The following PAQR3 variants were observed in gnomAD, a reference collection of about 807,000 sequenced individuals.
The protein encoded by PAQR3 is Raf kinase trapping to Golgi.
Under a neutral mutation model 41.7 loss-of-function variants are expected in PAQR3, and 39 were observed. That is an observed-to-expected ratio of 0.93 (90% confidence interval 0.72 to 1.22). PAQR3 has a LOEUF of 1.22. PAQR3 is among the 50% of genes most tolerant of loss of function. The probability of loss-of-function intolerance (pLI) is 0.00; values close to 1 mark genes in which losing one functional copy is unlikely to be tolerated. For synonymous variants in PAQR3, 140 were observed against 140.6 expected, an observed-to-expected ratio of 1.00 and a Z score of 0.03; for missense variants, 366 against 385.6, an observed-to-expected ratio of 0.95 and a Z score of 0.42.
intron 11 of PAQR3, among the ~76,000 whole-genome samples, chr4:78,888,578 A>G (rs944071449): frequency 2.0e-5 from 3 of 152,220 alleles, no homozygotes; most frequent in African/African-American, 7.2e-5. Flanking sequence ...AGCATCTGAA[A>G]GAACCCTGGG....
chr4:78,929,517 A>C (rs895093906), intron 3 of PAQR3, among the ~76,000 whole-genome samples: 1 of 152,210 alleles, frequency 6.6e-6, no homozygotes, highest in Non-Finnish European at 1.5e-5. Flanking sequence ...ATCTGATTAC[A>C]GTGTTGCAAA....
chr4:78,937,228 A>C (rs115433746), intron 1 of PAQR3, among the ~76,000 whole-genome samples: 1,788 of 152,290 alleles, frequency 0.012, 32 homozygotes, highest in African/African-American at 0.041. Context: ...TTTGCAAATG[A>C]AGATTACCAG....
At position 78,917,557 on chromosome 4, in the gene PAQR3, G is replaced by GTGAT. The variant is rs77366304; in HGVS notation, c.*2978_*2981dup. 8,836 of 152,384 alleles carry GTGAT rather than the reference G, an allele frequency of 0.058. 356 individuals are homozygous for GTGAT. The highest frequency in any genetic ancestry group is 0.22 in the East Asian group (1,132 of 5,158). The allele number at this position is 152,384 out of a possible 1,614,324, so 9.4% of individuals were successfully genotyped here. ...CCTCTTTAGTGTAAACACAGTTATTGTGATAATGCACACAGAAGGTATTTC... is the reference window on the plus strand; with the variant it reads ...CCTCTTTAGTGTAAACACAGTTATTGTGATTGATAATGCACACAGAAGGTATTTC... On this transcript the variant is annotated 3_prime_UTR_variant, in exon 6 of 6. Transcript: ENST00000512733.
chr4:78,931,634 T>C (rs1206097159), intron 2 of PAQR3, among the ~76,000 whole-genome samples: 1 of 151,994 alleles, frequency 6.6e-6, no homozygotes, highest in Non-Finnish European at 1.5e-5. Context: ...ACAGCATAAT[T>C]GGAAAAGGTG....
intron 11 of PAQR3, among the ~76,000 whole-genome samples, chr4:78,893,949 C>A (rs912221940): frequency 2.0e-5 from 3 of 152,186 alleles, no homozygotes; most frequent in Non-Finnish European, 4.4e-5. Flanking sequence ...CAACAGTAAT[C>A]TTCTTGTACT....
chr4:78,889,717 C>CA (rs1273965970), intron 11 of PAQR3, among the ~76,000 whole-genome samples: 2 of 151,998 alleles, frequency 1.3e-5, no homozygotes, highest in South Asian at 2.1e-4. Context: ...CCAAGAAAGG[C>CA]AAAAAACTAC....
At chr4:78,911,788 T>C (rs1302737856), downstream of PAQR3, 1 of 1,613,878 alleles carries the variant, frequency 6.2e-7, no homozygotes, top group Non-Finnish European at 8.5e-7. Flanking sequence ...AGACCTGTCA[T>C]GGCACCCTCC....
chr4:78,910,790 C>T (rs780047458), downstream of PAQR3: 6 of 1,613,508 alleles, frequency 3.7e-6, no homozygotes, highest in East Asian at 8.9e-5. Flanking sequence ...GAATCAGATC[C>T]CCCTTCTCCT....
chr4:78,890,976 C>T (rs1255225753), intron 11 of PAQR3, among the ~76,000 whole-genome samples: 1 of 152,116 alleles, frequency 6.6e-6, no homozygotes, highest in African/African-American at 2.4e-5. Context: ...GGGAGGATTG[C>T]TTGCTTGAGG....
chr4:78,912,045 G>T lies in PAQR3; in HGVS notation c.*8494C>A. On this transcript the variant is annotated 3_prime_UTR_variant, in exon 6 of 6. Transcript: ENST00000512733. ...CTTCTAAACAGTAGATACTTCTGATGGATTCTCGGCATTAACTCCTGTTTC... is the reference window on the plus strand; with the variant it reads ...CTTCTAAACAGTAGATACTTCTGATTGATTCTCGGCATTAACTCCTGTTTC... 1 of 1,573,402 alleles carries T rather than the reference G, an allele frequency of 6.4e-7. No homozygotes were observed. The highest frequency in any genetic ancestry group is 1.2e-5 in the South Asian group (1 of 85,082).
chr4:78,887,329 C>G, intron 12 of PAQR3: 1 of 1,338,338 alleles, frequency 7.5e-7, no homozygotes, highest in Non-Finnish European at 1.1e-6. Context: ...ATAAAACACA[C>G]AAGAACAACA....
rs527763767 is a variant in PAQR3, at chr4:78,927,677, G to C, written c.505-959C>G. Among the ~76,000 whole-genome samples, 3 of 152,342 alleles carry C rather than the reference G, an allele frequency of 2.0e-5. No individual in the cohort carries two copies. The East Asian group carries it at 5.8e-4, about 29-fold the overall frequency. On this transcript the variant is annotated intron_variant, in intron 3 of 5. Transcript: ENST00000512733. ...TTCCAGTTTTGCTGTGTGTGTGATGGGGGAAGAGAACAGGGGCATGAAAGA... is the reference window on the plus strand; with the variant it reads ...TTCCAGTTTTGCTGTGTGTGTGATGCGGGAAGAGAACAGGGGCATGAAAGA...
rs1734732575 is a variant in PAQR3, at chr4:78,912,863, TACAGA to T, written c.*7671_*7675del. On this transcript the variant is annotated 3_prime_UTR_variant, in exon 6 of 6. Transcript: ENST00000512733. ...AAGAAATTATAAGAAGAAAAAAAGATACAGAACAGAAAACATTCACTACTTTAGAA... is the reference window on the plus strand; with the variant it reads ...AAGAAATTATAAGAAGAAAAAAAGATACAGAAAACATTCACTACTTTAGAA... 2 of 152,132 alleles carry T rather than the reference TACAGA, an allele frequency of 1.3e-5. No individual in the cohort carries two copies. Among genetic ancestry groups the T allele is most frequent in the South Asian group, 2.1e-4 (1 of 4,832 alleles). The allele number at this position is 152,132 out of a possible 1,614,324, so 9.4% of individuals were successfully genotyped here.
chr4:78,912,958 G>A lies in PAQR3; in HGVS notation c.*7581C>T, dbSNP rs1212956171. On this transcript the variant is annotated 3_prime_UTR_variant, in exon 6 of 6. Coordinates refer to ENST00000512733, the MANE Select transcript of PAQR3 (RefSeq NM_001040202.2). ...GATGGCCCTAATAAAGCAGATTATT[G>A]GAAAAATTGGAGGACAAGGGTTGTA... 1 of 151,968 alleles carries A rather than the reference G, an allele frequency of 6.6e-6. No homozygotes were observed. Among genetic ancestry groups the A allele is most frequent in the Non-Finnish European group, 1.5e-5 (1 of 67,966 alleles). 9.4% of individuals were successfully genotyped at this position (151,968 alleles called of 1,614,324 possible). A position where few individuals can be genotyped will look rare whatever the true frequency, so the allele number is the denominator to read the frequency against.
In PAQR3 at chr4:78,939,144, G is replaced by A. The variant is rs376874926; in HGVS notation, c.81C>T (p.Gly27=). 2 of 1,613,778 alleles carry A rather than the reference G, an allele frequency of 1.2e-6. No individual in the cohort carries two copies. The highest frequency in any genetic ancestry group is 1.7e-6 in the Non-Finnish European group (2 of 1,179,834). ...YQYWPVLVPR[G]IRLYTYEQIP... Reference sequence around the variant, plus strand: ...TCTGCTCGTAGGTGTACAGGCGGATGCCACGGGGCACCAGGACCGGCCAGT... The same window carrying A: ...TCTGCTCGTAGGTGTACAGGCGGATACCACGGGGCACCAGGACCGGCCAGT... Residue 27 remains glycine (G), a synonymous_variant, in exon 1 of 6, where the codon GGC becomes GGT. Transcript: ENST00000512733.
At chr4:78,901,512 A>C (rs200784160) in intron 11 of PAQR3, among the ~76,000 whole-genome samples, 2 of 152,310 alleles carry the variant, frequency 1.3e-5, no homozygotes, top group East Asian at 1.9e-4. Context: ...TTCCACTACC[A>C]GTATCTGTTT....
Position 78,939,384 on chromosome 4 carries a change from C to T in PAQR3, c.-160G>A. The T allele has an allele frequency of 2.1e-6, 1 of 470,294 alleles. No individual in the cohort carries two copies. Among genetic ancestry groups the T allele is most frequent in the Non-Finnish European group, 3.2e-6 (1 of 313,506 alleles). 29.1% of individuals were successfully genotyped at this position (470,294 alleles called of 1,614,324 possible). The stretch of plus-strand genomic sequence containing the variant: ...TGCCCAGGGCCCGGCTCTGCGCTCA[C>T]ACCGGCCACTGCCGCCAGCGCCGCG... On this transcript the variant is annotated 5_prime_UTR_variant, in exon 1 of 6. It adds an upstream start codon to the 5' untranslated region. Transcript: ENST00000512733.
In PAQR3 at chr4:78,935,187, C is replaced by T; in HGVS notation, c.282G>A (p.Val94=). ...CTCTGGACGCACTTGCTGAAGGTAACACAGATGTCATGTCATATATTCCCA... is the reference window on the plus strand; with the variant it reads ...CTCTGGACGCACTTGCTGAAGGTAATACAGATGTCATGTCATATATTCCCA... ...FTLGIYDMTS[V]LPSASASRED... is the part of the protein sequence containing the mutation. Residue 94 remains valine (V), a synonymous_variant, in exon 2 of 6, where the codon GTG becomes GTA. Transcript: ENST00000512733. The T allele has an allele frequency of 1.9e-6, 3 of 1,613,886 alleles. No homozygotes were observed. Among genetic ancestry groups the T allele is most frequent in the Non-Finnish European group, 2.5e-6 (3 of 1,179,850 alleles).
At chr4:78,889,887 T>A (rs927158150) in intron 11 of PAQR3, among the ~76,000 whole-genome samples, 2 of 152,248 alleles carry the variant, frequency 1.3e-5, no homozygotes, top group Non-Finnish European at 2.9e-5. Flanking sequence ...TGCAGCAGAA[T>A]GCTTGTAAGA....
Sources: allele counts gnomAD v4.1 joint callset (sites outside exome capture counted in the v4.1 genomes callset), GRCh38; gene constraint gnomAD v4.1.1; transcripts MANE v1.5; gene names NCBI Gene and HGNC (gene_info 2026-07-23, HGNC 2026-07-21).